SDHAF3: variants seen among roughly 807,000 people sequenced by gnomAD.
SDHAF3 encodes the protein succinate dehydrogenase assembly factor 3, mitochondrial.
Under a neutral mutation model 11.5 loss-of-function variants are expected in SDHAF3, and 18 were observed. The observed-to-expected ratio is 1.56, with a 90% CI of 1.08 to 2.32. The LOEUF (loss-of-function observed/expected upper bound fraction) is 2.32, where lower values mean the gene tolerates loss of function less well. SDHAF3 is among the 30% of genes most tolerant of loss of function. The pLI is 0.00. For synonymous variants in SDHAF3, 72 were observed against 59.3 expected (o/e 1.21, Z -0.99); for missense variants, 200 against 154.4 (o/e 1.30, Z -1.57).
rs148871986 is a variant in SDHAF3, at chr7:97,121,552, C to G, written c.174+3655C>G. Among the ~76,000 whole-genome samples, 990 of 152,282 alleles carry G rather than the reference C, an allele frequency of 6.5e-3. 5 individuals carry two copies. The highest frequency in any genetic ancestry group is 0.011 in the Non-Finnish European group (724 of 68,024). ...TTTTTCAGATAGTTTTGATCACTTA[C>G]TATTTCCAGACAATGTGCTAGGCAT... On this transcript the variant is annotated intron_variant, in intron 1 of 1. Coordinates refer to ENST00000432641, the MANE Select transcript of SDHAF3 (RefSeq NM_020186.3).
At chr7:97,154,177 G>C (rs1341674791) in intron 1 of SDHAF3, among the ~76,000 whole-genome samples, 2 of 139,126 alleles carry the variant, frequency 1.4e-5, no homozygotes, top group East Asian at 6.8e-4. Flanking sequence ...TAAGGGTGGG[G>C]GAGATTACAA....
At chr7:97,151,271 AAGACTC>A (rs1789215395) in intron 1 of SDHAF3, among the ~76,000 whole-genome samples, 1 of 152,044 alleles carries the variant, frequency 6.6e-6, no homozygotes, top group South Asian at 2.1e-4. Context: ...CACAAAATAA[AAGACTC>A]AGAAAGGCCA....
Position 97,181,548 on chromosome 7 carries a change from T to C in SDHAF3, c.*333T>C, listed in dbSNP as rs1789775128. Reference sequence around the variant, plus strand: ...TCATCAAATAAGCATGTTGTGATAATGATAGATGTACAATTCCAACAAGGT... The same window carrying C: ...TCATCAAATAAGCATGTTGTGATAACGATAGATGTACAATTCCAACAAGGT... On this transcript the variant is annotated 3_prime_UTR_variant, in exon 2 of 2. Coordinates refer to ENST00000432641, the MANE Select transcript of SDHAF3 (RefSeq NM_020186.3). The C allele has an allele frequency of 1.1e-5, 2 of 185,208 alleles. No homozygotes were observed. Among genetic ancestry groups the C allele is most frequent in the Admixed American group, 5.5e-5 (1 of 18,192 alleles). 11.5% of individuals were successfully genotyped at this position (185,208 alleles called of 1,614,324 possible).
At chr7:97,157,136 T>A (rs1789315001) in intron 1 of SDHAF3, among the ~76,000 whole-genome samples, 1 of 152,204 alleles carries the variant, frequency 6.6e-6, no homozygotes, top group Non-Finnish European at 1.5e-5. Flanking sequence ...CTGTGTATAA[T>A]CTCTGTATCC....
chr7:97,160,568 C>A (rs1399305950), intron 1 of SDHAF3, among the ~76,000 whole-genome samples: 2 of 152,210 alleles, frequency 1.3e-5, no homozygotes, highest in Non-Finnish European at 2.9e-5. Context: ...AAAAATTCTT[C>A]TGCCTTGGGA....
chr7:97,181,341 A>C lies in SDHAF3; in HGVS notation c.*126A>C. The C allele has an allele frequency of 1.4e-6, 1 of 698,642 alleles. No individual in the cohort carries two copies. The highest frequency in any genetic ancestry group is 2.3e-6 in the Non-Finnish European group (1 of 427,328). The allele number at this position is 698,642 out of a possible 1,614,324, so 43.3% of individuals were successfully genotyped here. Reference sequence around the variant, plus strand: ...TTAATGAAATACTCTTTTATTTTGGATATTATGATTGCAGTATATGGATCA... The same window carrying C: ...TTAATGAAATACTCTTTTATTTTGGCTATTATGATTGCAGTATATGGATCA... On this transcript the variant is annotated 3_prime_UTR_variant, in exon 2 of 2. Coordinates refer to ENST00000432641, the MANE Select transcript of SDHAF3 (RefSeq NM_020186.3).
intron 1 of SDHAF3, among the ~76,000 whole-genome samples, chr7:97,133,394 G>T (rs895954005): frequency 1.3e-5 from 2 of 152,108 alleles, no homozygotes; most frequent in African/African-American, 4.8e-5. Context: ...TGGTAAACAT[G>T]GAATTAAAAT....
At chr7:97,149,627 A>G (rs1789188194) in intron 1 of SDHAF3, among the ~76,000 whole-genome samples, 1 of 152,236 alleles carries the variant, frequency 6.6e-6, no homozygotes, top group Non-Finnish European at 1.5e-5. Context: ...AAAATAGAAT[A>G]TACATGCCTT....
chr7:97,170,592 T>A (rs1006002093), intron 1 of SDHAF3, among the ~76,000 whole-genome samples: 1 of 152,184 alleles, frequency 6.6e-6, no homozygotes, highest in African/African-American at 2.4e-5. Flanking sequence ...ATAAAGAATA[T>A]TTGTGAACTA....
At chr7:97,155,138 TTATG>T (rs1413667733) in intron 1 of SDHAF3, among the ~76,000 whole-genome samples, 2 of 152,214 alleles carry the variant, frequency 1.3e-5, no homozygotes, top group Admixed American at 1.3e-4. Context: ...AAGCTTGTCT[TTATG>T]TACAAAAAAC....
chr7:97,154,256 AC>A (rs2115700052), intron 1 of SDHAF3, among the ~76,000 whole-genome samples: 1 of 152,318 alleles, frequency 6.6e-6, no homozygotes, highest in African/African-American at 2.4e-5. Context: ...GAAACAAATC[AC>A]AATGGTGGAA....
rs146533152 is a variant in SDHAF3, at chr7:97,169,269, C to T, written c.175-11743C>T. 1.8e-4 allele frequency among the ~76,000 whole-genome samples: 27 copies of T among 151,988 alleles called. No individual in the cohort carries two copies. The East Asian group carries it at 2.5e-3, about 14-fold the overall frequency. On this transcript the variant is annotated intron_variant, in intron 1 of 1. Coordinates refer to ENST00000432641, the MANE Select transcript of SDHAF3 (RefSeq NM_020186.3). ...TGAATGTAGTGAGCTAAGATCGCGG[C>T]GCTGCACTCCAGCCTGGGCAACAAG...
At chr7:97,166,320 A>G (rs1188552491) in intron 1 of SDHAF3, among the ~76,000 whole-genome samples, 1 of 152,162 alleles carries the variant, frequency 6.6e-6, no homozygotes, top group Admixed American at 6.5e-5. Flanking sequence ...AATACATGTA[A>G]GATGTACATT....
intron 1 of SDHAF3, among the ~76,000 whole-genome samples, chr7:97,118,884 AG>A (rs1328274266): frequency 4.9e-4 from 75 of 152,350 alleles, no homozygotes; most frequent in African/African-American, 1.8e-3. Context: ...AGCGACATTT[AG>A]AACAATCGGG....
intron 1 of SDHAF3, among the ~76,000 whole-genome samples, chr7:97,164,960 G>T (rs1789478467): frequency 6.6e-6 from 1 of 152,162 alleles, no homozygotes; most frequent in Admixed American, 6.6e-5. Flanking sequence ...TGTCATGGCT[G>T]TGATGAAATT....
At chr7:97,158,368 C>T (rs532203613) in intron 1 of SDHAF3, among the ~76,000 whole-genome samples, 1 of 152,258 alleles carries the variant, frequency 6.6e-6, no homozygotes, top group East Asian at 1.9e-4. Flanking sequence ...CACTCTGTTG[C>T]CCAGGCTGGA....
chr7:97,164,382 C>CT lies in SDHAF3; in HGVS notation c.175-16613dup, dbSNP rs200122758. 7.5e-3 allele frequency among the ~76,000 whole-genome samples: 963 copies of CT among 128,488 alleles called. 11 individuals carry two copies. Among genetic ancestry groups the CT allele is most frequent in the South Asian group, 0.02 (79 of 3,930 alleles). The allele number at this position is 128,488 out of a possible 152,430, so 84.3% of individuals were successfully genotyped here. A position where few individuals can be genotyped will look rare whatever the true frequency, so the allele number is the denominator to read the frequency against. ...ACTAAAGGTGTATTGGTTCATAGTTCTTTTTTTTTTTTTTTTTCAGACAGA... is the reference window on the plus strand; with the variant it reads ...ACTAAAGGTGTATTGGTTCATAGTTCTTTTTTTTTTTTTTTTTTCAGACAGA... On this transcript the variant is annotated intron_variant, in intron 1 of 1. Coordinates refer to ENST00000432641, the MANE Select transcript of SDHAF3 (RefSeq NM_020186.3).
intron 1 of SDHAF3, among the ~76,000 whole-genome samples, chr7:97,171,513 T>C (rs1340084894): frequency 6.6e-6 from 1 of 152,108 alleles, no homozygotes; most frequent in Non-Finnish European, 1.5e-5. Flanking sequence ...TAAAATCTTT[T>C]TTTATGCTAT....
chr7:97,163,700 CT>C (rs1789452856), intron 1 of SDHAF3, among the ~76,000 whole-genome samples: 1 of 152,136 alleles, frequency 6.6e-6, no homozygotes, highest in African/African-American at 2.4e-5. Flanking sequence ...CATTATTATG[CT>C]AGCTGGTTAT....
Sources: gnomAD v4.1 joint callset for allele counts (sites outside exome capture counted in the v4.1 genomes callset) on GRCh38, gnomAD v4.1.1 for gene constraint, MANE v1.5 for transcripts, NCBI Gene and HGNC (gene_info 2026-07-23, HGNC 2026-07-21) for gene names.